The following FARP1 variants were observed in gnomAD, a reference collection of about 807,000 sequenced individuals.
FARP1 encodes FERM, ARHGEF and pleckstrin domain-containing protein 1.
A neutral mutation model predicts 128.8 loss-of-function variants in FARP1; 52 were observed. That is an observed-to-expected ratio of 0.40 (90% CI 0.32 to 0.51). FARP1 has a LOEUF of 0.51. Ranked by LOEUF, FARP1 falls within the 20% of genes least tolerant of loss-of-function variation. The probability of loss-of-function intolerance (pLI) is 0.45; values close to 1 mark genes in which losing one functional copy is unlikely to be tolerated. For synonymous variants in FARP1, 580 were observed against 551.8 expected, an observed-to-expected ratio of 1.05 and a Z score of -0.72; for missense variants, 1,333 against 1,367.9, an observed-to-expected ratio of 0.97 and a Z score of 0.40.
rs565114442 is a variant in FARP1 at position 98,197,698 on chromosome 13, G to A, written c.-23-15522G>A. Among the ~76,000 whole-genome samples, 35 of 151,364 alleles carry A rather than the reference G, an allele frequency of 2.3e-4. No homozygotes were observed. The Middle Eastern group carries it at 0.01, about 44-fold the overall frequency. The stretch of plus-strand genomic sequence containing the variant: ...CACCCAGGCTGGAGTGCAGTGGCGC[G>A]ATCTAGGCTCACTGCAAGCTCCGCC... On this transcript the variant is annotated intron_variant, in intron 1 of 26. Coordinates refer to ENST00000319562, the MANE Select transcript of FARP1 (RefSeq NM_005766.4).
At chr13:98,392,306 G>A (rs1235260865) in intron 11 of FARP1, among the ~76,000 whole-genome samples, 4 of 110,096 alleles carry the variant, frequency 3.6e-5, no homozygotes, top group Non-Finnish European at 5.1e-5. Context: ...GTAACATGAC[G>A]AAAGCTCATC....
At chr13:98,397,058 A>G (rs1006882868) in intron 13 of FARP1, 1 of 152,248 alleles carries the variant, frequency 6.6e-6, no homozygotes, top group African/African-American at 2.4e-5. Flanking sequence ...AGAATAATGA[A>G]TATTTTAATG....
chr13:98,174,741 T>G (rs895751231), intron 1 of FARP1, among the ~76,000 whole-genome samples: 14 of 152,178 alleles, frequency 9.2e-5, no homozygotes, highest in Admixed American at 5.9e-4. Context: ...AATCGATATG[T>G]TGATAGCACA....
chr13:98,442,295 T>C (rs1222132413), intron 24 of FARP1, among the ~76,000 whole-genome samples: 1 of 152,178 alleles, frequency 6.6e-6, no homozygotes, highest in African/African-American at 2.4e-5. Flanking sequence ...GAGCCAGCAG[T>C]GCTTCATGGA....
chr13:98,183,694 G>A (rs748845417), intron 1 of FARP1, among the ~76,000 whole-genome samples: 3 of 152,120 alleles, frequency 2.0e-5, no homozygotes, highest in Non-Finnish European at 4.4e-5. Flanking sequence ...GAATGAGGCC[G>A]AGCTGTTTGC....
At chr13:98,145,763 A>G (rs56348337) in intron 1 of FARP1, among the ~76,000 whole-genome samples, 141,123 of 151,706 alleles carry the variant, frequency 0.93, 66,496 homozygotes, top group East Asian at 1. Context: ...CTCAGAGGCT[A>G]AGCCAGGAGA....
At chr13:98,317,629 C>T (rs1465090972) in intron 2 of FARP1, among the ~76,000 whole-genome samples, 1 of 152,022 alleles carries the variant, frequency 6.6e-6, no homozygotes, top group African/African-American at 2.4e-5. Context: ...AATTGATTCC[C>T]CTCTGTCTTT....
At chr13:98,389,167 G>A (rs376437652) in intron 9 of FARP1, among the ~76,000 whole-genome samples, 10 of 152,264 alleles carry the variant, frequency 6.6e-5, no homozygotes, top group East Asian at 3.9e-4. Context: ...TTCATGGCCC[G>A]ACCTGGGAAG....
intron 2 of FARP1, among the ~76,000 whole-genome samples, chr13:98,263,354 C>G (rs765770727): frequency 2.2e-4 from 33 of 152,090 alleles, no homozygotes; most frequent in Admixed American, 1.0e-3. Flanking sequence ...AATCCCTATG[C>G]TTATATTTAG....
At chr13:98,250,870 CAT>C (rs145582054) in intron 2 of FARP1, among the ~76,000 whole-genome samples, 2,108 of 152,236 alleles carry the variant, frequency 0.014, 43 homozygotes, top group African/African-American at 0.049. Context: ...TAGTTTAACA[CAT>C]GTGTGTAATT....
rs536748665 is a variant in FARP1 at position 98,273,680 on chromosome 13, T to C, written c.171+60267T>C. Among the ~76,000 whole-genome samples, 6 of 152,358 alleles carry C rather than the reference T, an allele frequency of 3.9e-5. No individual in the cohort carries two copies. In the South Asian group the frequency reaches 6.2e-4, roughly 16 times the overall value. On this transcript the variant is annotated intron_variant, in intron 2 of 26. Transcript: ENST00000319562. ...CAGTAAGCGTTTGTTGAAGTAACAGTGATGAAAATCATATTCTGTTGATAA... is the reference window on the plus strand; with the variant it reads ...CAGTAAGCGTTTGTTGAAGTAACAGCGATGAAAATCATATTCTGTTGATAA...
At chr13:98,157,692 A>G (rs1443046351) in intron 1 of FARP1, among the ~76,000 whole-genome samples, 1 of 152,216 alleles carries the variant, frequency 6.6e-6, no homozygotes, top group Admixed American at 6.5e-5. Flanking sequence ...AAGTGTGCCT[A>G]AGGTCACACA....
chr13:98,292,554 C>T (rs1313019972), intron 2 of FARP1, among the ~76,000 whole-genome samples: 6 of 152,206 alleles, frequency 3.9e-5, no homozygotes, highest in Admixed American at 3.9e-4. Flanking sequence ...AAATTGAAAA[C>T]ACAGTTGCAC....
chr13:98,148,096 CAATA>C (rs1875706732), intron 1 of FARP1, among the ~76,000 whole-genome samples: 1 of 146,184 alleles, frequency 6.8e-6, no homozygotes, highest in Non-Finnish European at 1.5e-5. Flanking sequence ...AAAAAAAAGA[CAATA>C]AGGTGCGGTG....
rs1342574148 is a variant in FARP1 at position 98,144,061 on chromosome 13, C to T, written c.-24+569C>T. Among the ~76,000 whole-genome samples the T allele has an allele frequency of 5.0e-5, 7 of 139,692 alleles. No homozygotes were observed. In the East Asian group the frequency reaches 1.2e-3, roughly 24 times the overall value. The allele number at this position is 139,692 out of a possible 152,430, so 91.6% of individuals were successfully genotyped here. ...CTTTACTGTCTGCCTTTATGCAGGG[C>T]AAAGTTTTTTTTATTTTTTATTTTT... On this transcript the variant is annotated intron_variant, in intron 1 of 26. Coordinates refer to ENST00000319562, the MANE Select transcript of FARP1 (RefSeq NM_005766.4).
At chr13:98,214,115 T>C (rs540436326) in intron 2 of FARP1, among the ~76,000 whole-genome samples, 2 of 152,334 alleles carry the variant, frequency 1.3e-5, no homozygotes, top group African/African-American at 4.8e-5. Flanking sequence ...TTGGAGCCGC[T>C]GGAACCTCTG....
intron 1 of FARP1, chr13:98,177,090 G>A (rs751580428): frequency 1.1e-5 from 17 of 1,598,904 alleles, no homozygotes; most frequent in South Asian, 2.2e-5. Flanking sequence ...CCTCGTCCCC[G>A]CTGCTGCTGC....
chr13:98,168,032 C>T (rs1352888160), intron 1 of FARP1, among the ~76,000 whole-genome samples: 4 of 151,962 alleles, frequency 2.6e-5, no homozygotes, highest in South Asian at 2.1e-4. Context: ...ATTAGCCAGG[C>T]GTGGTGGCGG....
At chr13:98,233,823 C>T (rs1017219483) in intron 2 of FARP1, 7 of 152,190 alleles carry the variant, frequency 4.6e-5, no homozygotes, top group East Asian at 3.9e-4. Flanking sequence ...GCAGGAGGCT[C>T]GGATTTTCCC....
Sources: gnomAD v4.1 joint callset for allele counts (sites outside exome capture counted in the v4.1 genomes callset) on GRCh38, gnomAD v4.1.1 for gene constraint, MANE v1.5 for transcripts, NCBI Gene and HGNC (gene_info 2026-07-23, HGNC 2026-07-21) for gene names.